The following SVOP variants were observed in gnomAD, a reference collection of about 807,000 sequenced individuals.
SVOP encodes the protein SV2 related protein, also known as synaptic vesicle 2-related protein.
Under a neutral mutation model 69.1 loss-of-function variants are expected in SVOP, and 17 were observed. That is an observed-to-expected ratio of 0.25 (90% CI 0.17 to 0.37). The LOEUF (loss-of-function observed/expected upper bound fraction) is 0.37. Among genes scored for constraint, SVOP ranks in the 10% least tolerant of loss-of-function variants. The pLI is 1.00. For synonymous variants in SVOP, 238 were observed against 238.6 expected, an observed-to-expected ratio of 1.00 and a Z score of 0.02; for missense variants, 435 against 597.5, an observed-to-expected ratio of 0.73 and a Z score of 2.84.
In SVOP at chr12:108,909,273, T is replaced by G. The variant is rs1225405058; in HGVS notation, c.*3262A>C. 3.3e-5 allele frequency: 5 copies of G among 152,208 alleles called. No homozygotes were observed. The highest frequency in any genetic ancestry group is 7.3e-5 in the Non-Finnish European group (5 of 68,070). The allele number at this position is 152,208 out of a possible 1,614,324, so 9.4% of individuals were successfully genotyped here. On this transcript the variant is annotated 3_prime_UTR_variant, in exon 16 of 16. Transcript: ENST00000610966. ...AGGTTGGTGCAAAAGTAATTGCATTTGGGAGGCCAAGGTGGGCGGATCACT... is the reference window on the plus strand; with the variant it reads ...AGGTTGGTGCAAAAGTAATTGCATTGGGGAGGCCAAGGTGGGCGGATCACT...
At chr12:108,978,232 G>T (rs150783603) in intron 3 of SVOP, among the ~76,000 whole-genome samples, 1 of 152,196 alleles carries the variant, frequency 6.6e-6, no homozygotes, top group Non-Finnish European at 1.5e-5. Context: ...GATCATGAGA[G>T]TCTTGAAGCA....
At position 108,970,120 on chromosome 12, in the gene SVOP, G is replaced by A. The variant is rs140180121; in HGVS notation, c.453+2285C>T. Among the ~76,000 whole-genome samples the A allele has an allele frequency of 9.9e-4, 150 of 152,250 alleles. 2 individuals are homozygous for A. The highest frequency in any genetic ancestry group is 3.3e-3 in the African/African-American group (137 of 41,548). ...GTGTCTGCTGGCCCAAGTTTCCTGCGCAATAGCAGTGAGAGGGGATGCAGC... is the reference window on the plus strand; with the variant it reads ...GTGTCTGCTGGCCCAAGTTTCCTGCACAATAGCAGTGAGAGGGGATGCAGC... On this transcript the variant is annotated intron_variant, in intron 5 of 15. Transcript: ENST00000610966.
chr12:108,929,203 A>G (rs2137396806), intron 11 of SVOP, among the ~76,000 whole-genome samples: 1 of 152,368 alleles, frequency 6.6e-6, no homozygotes, highest in Middle Eastern at 3.4e-3. Context: ...CTTTTGTTAT[A>G]GGGGCCTCAG....
intron 6 of SVOP, among the ~76,000 whole-genome samples, chr12:108,955,366 G>A (rs1394621422): frequency 1.3e-5 from 2 of 152,124 alleles, no homozygotes; most frequent in Admixed American, 6.5e-5. Flanking sequence ...GGAATTCCTG[G>A]AGCTGGGCCA....
intron 11 of SVOP, chr12:108,926,543 T>C (rs1566048790): frequency 6.6e-6 from 1 of 152,248 alleles, no homozygotes; most frequent in African/African-American, 2.4e-5. Flanking sequence ...AGTAAGCATG[T>C]GTGAAAGACT....
chr12:108,966,748 A>G (rs907584102), intron 5 of SVOP, among the ~76,000 whole-genome samples: 1 of 152,152 alleles, frequency 6.6e-6, no homozygotes, highest in African/African-American at 2.4e-5. Context: ...GCGGGACACC[A>G]TATGGGCAGC....
intron 11 of SVOP, among the ~76,000 whole-genome samples, chr12:108,933,654 TG>T (rs1346936166): frequency 6.6e-6 from 1 of 152,064 alleles, no homozygotes; most frequent in East Asian, 1.9e-4. Flanking sequence ...CACTCCAGCC[TG>T]GGCGACAGAG....
At chr12:108,913,710 G>A (rs1344868445) in intron 15 of SVOP, among the ~76,000 whole-genome samples, 3 of 152,152 alleles carry the variant, frequency 2.0e-5, no homozygotes, top group African/African-American at 7.2e-5. Flanking sequence ...GTGCAGTGGT[G>A]CAATCTTGGC....
At chr12:108,939,306 AT>A (rs2039875776) in intron 8 of SVOP, among the ~76,000 whole-genome samples, 1 of 152,202 alleles carries the variant, frequency 6.6e-6, no homozygotes, top group Non-Finnish European at 1.5e-5. Flanking sequence ...TATTACTATT[AT>A]TTGGGGCTGT....
intron 1 of SVOP, among the ~76,000 whole-genome samples, chr12:108,993,142 G>A (rs995846428): frequency 1.3e-5 from 2 of 151,966 alleles, no homozygotes; most frequent in Non-Finnish European, 2.9e-5. Flanking sequence ...CAAGTAGCTG[G>A]GATTACAGGC....
chr12:108,936,835 C>T (rs1291853944), intron 10 of SVOP: 2 of 179,544 alleles, frequency 1.1e-5, no homozygotes, highest in Non-Finnish European at 2.4e-5. Flanking sequence ...CGTCTAGTTA[C>T]TTTTGCTGAT....
intron 9 of SVOP, 107 bp from the exon 10 acceptor site, chr12:108,937,444 G>A (rs2039863314): frequency 9.3e-7 from 1 of 1,078,034 alleles, no homozygotes; most frequent in Non-Finnish European, 1.4e-6. Flanking sequence ...AAGGTTTCTA[G>A]TAAGTAGGAC....
At chr12:108,977,107 G>C (rs1026661930) in intron 4 of SVOP, among the ~76,000 whole-genome samples, 2 of 152,166 alleles carry the variant, frequency 1.3e-5, no homozygotes, top group African/African-American at 2.4e-5. Context: ...CCTCCTGTTT[G>C]CAGCCAAGAA....
chr12:109,008,131 T>G (rs1256033745), intron 1 of SVOP, among the ~76,000 whole-genome samples: 1 of 152,144 alleles, frequency 6.6e-6, no homozygotes, highest in Non-Finnish European at 1.5e-5. Flanking sequence ...TGCAGTGTAC[T>G]AGGACCCTGG....
chr12:108,974,942 T>G (rs1302757469), intron 4 of SVOP, among the ~76,000 whole-genome samples: 1 of 152,242 alleles, frequency 6.6e-6, no homozygotes, highest in East Asian at 1.9e-4. Context: ...TTTTGATTTT[T>G]ATATTTCACT....
At chr12:108,943,298 A>G (rs1447690234) in intron 7 of SVOP, among the ~76,000 whole-genome samples, 1 of 151,964 alleles carries the variant, frequency 6.6e-6, no homozygotes, top group African/African-American at 2.4e-5. Context: ...GCACTGATTA[A>G]TAAGAATGGA....
At chr12:108,998,614 C>T (rs1460079742) in intron 1 of SVOP, among the ~76,000 whole-genome samples, 3 of 152,066 alleles carry the variant, frequency 2.0e-5, no homozygotes, top group East Asian at 1.9e-4. Flanking sequence ...GCAGATCTCT[C>T]GGCAGAAACC....
intron 8 of SVOP, among the ~76,000 whole-genome samples, chr12:108,939,982 C>G (rs2039881502): frequency 6.6e-6 from 1 of 152,168 alleles, no homozygotes; most frequent in African/African-American, 2.4e-5. Context: ...ACTTGCCAAC[C>G]AGAAAAGTCA....
intron 11 of SVOP, 48 bp downstream of exon 11, chr12:108,934,147 C>A: frequency 6.6e-7 from 1 of 1,513,494 alleles, no homozygotes; most frequent in Non-Finnish European, 9.0e-7. Flanking sequence ...TGTGTATGTG[C>A]CGAGGGTGTG....
Sources: allele counts gnomAD v4.1 joint callset (sites outside exome capture counted in the v4.1 genomes callset), GRCh38; gene constraint gnomAD v4.1.1; transcripts MANE v1.5; gene names NCBI Gene and HGNC (gene_info 2026-07-23, HGNC 2026-07-21).